The following EHBP1 variants were observed in gnomAD, a reference collection of about 807,000 sequenced individuals.
EHBP1 encodes the protein EH domain-binding protein 1.
Under a neutral mutation model 144.0 loss-of-function variants are expected in EHBP1, and 55 were observed. The observed-to-expected ratio is 0.38, with a 90% CI of 0.31 to 0.48. The LOEUF is 0.48. Among genes scored for constraint, EHBP1 ranks in the 20% least tolerant of loss-of-function variants. The pLI, the probability that EHBP1 is intolerant of heterozygous loss-of-function variation, is 0.98. For synonymous variants in EHBP1, 469 were observed against 472.7 expected, an observed-to-expected ratio of 0.99 and a Z score of 0.10; for missense variants, 1,200 against 1,364.2, an observed-to-expected ratio of 0.88 and a Z score of 1.90.
At chr2:62,848,181 C>T (rs535212714) in intron 7 of EHBP1, among the ~76,000 whole-genome samples, 15 of 151,346 alleles carry the variant, frequency 9.9e-5, no homozygotes, top group East Asian at 5.9e-4. Flanking sequence ...CAGGTTCAAG[C>T]GGTTCTTCTG....
At chr2:62,989,632 C>T (rs759419390) in intron 15 of EHBP1, among the ~76,000 whole-genome samples, 2 of 152,134 alleles carry the variant, frequency 1.3e-5, no homozygotes, top group African/African-American at 2.4e-5. Context: ...TTGTTTACGG[C>T]TCTCAAGCAT....
intron 3 of EHBP1, among the ~76,000 whole-genome samples, chr2:62,747,929 A>G (rs1484752246): frequency 1.3e-5 from 2 of 152,022 alleles, no homozygotes; most frequent in African/African-American, 2.4e-5. Flanking sequence ...ATGAGGATGC[A>G]CTAAGAAGGC....
chr2:62,881,874 A>G (rs933849395), intron 10 of EHBP1: 1 of 152,140 alleles, frequency 6.6e-6, no homozygotes, highest in Non-Finnish European at 1.5e-5. Context: ...ATATTAGGTT[A>G]TTTAATTCTC....
In EHBP1 at chr2:63,045,390, C is replaced by G. The variant is rs757035883; in HGVS notation, c.3393-20C>G. ...AAAAATAATTTTGTTTCCTGTTTGTCCTGTTTGTCTGACATCCAGGGCCGA... is the reference window on the plus strand; with the variant it reads ...AAAAATAATTTTGTTTCCTGTTTGTGCTGTTTGTCTGACATCCAGGGCCGA... On this transcript the variant is annotated intron_variant, in intron 22 of 22. Transcript: ENST00000431489. The surrounding 1 kb of genome is among the most constrained non-coding windows in gnomAD (Gnocchi z 5.7). 1 of 1,611,076 alleles carries G rather than the reference C, an allele frequency of 6.2e-7. No homozygotes were observed. The highest frequency in any genetic ancestry group is 1.7e-4 in the Middle Eastern group (1 of 6,058).
chr2:62,783,185 A>C (rs2042563140), intron 5 of EHBP1, among the ~76,000 whole-genome samples: 1 of 152,228 alleles, frequency 6.6e-6, no homozygotes, highest in Non-Finnish European at 1.5e-5. Context: ...GGTGGCACTC[A>C]CAGACTTGGG....
intron 5 of EHBP1, among the ~76,000 whole-genome samples, chr2:62,812,636 A>C (rs2045108259): frequency 6.6e-6 from 1 of 152,174 alleles, no homozygotes; most frequent in Non-Finnish European, 1.5e-5. Flanking sequence ...GACCATCCTT[A>C]TTATGAAGTT....
chr2:62,695,954 C>T (rs1453028250), intron 1 of EHBP1, among the ~76,000 whole-genome samples: 5 of 151,772 alleles, frequency 3.3e-5, no homozygotes, highest in Non-Finnish European at 7.4e-5. Context: ...CTTAAGTGAT[C>T]CTCCTGCCTC....
chr2:62,739,287 C>G (rs2038456298), intron 2 of EHBP1, among the ~76,000 whole-genome samples: 2 of 152,060 alleles, frequency 1.3e-5, no homozygotes, highest in South Asian at 4.1e-4. Flanking sequence ...ACAGACAAAT[C>G]TAGTCATCCA....
intron 2 of EHBP1, among the ~76,000 whole-genome samples, chr2:62,722,964 G>A (rs541506811): frequency 6.6e-6 from 1 of 152,312 alleles, no homozygotes; most frequent in Non-Finnish European, 1.5e-5. Flanking sequence ...AAGTGGAGAT[G>A]AGAAGAATGT....
intron 2 of EHBP1, among the ~76,000 whole-genome samples, chr2:62,724,239 T>G (rs1409750308): frequency 6.6e-6 from 1 of 152,238 alleles, no homozygotes; most frequent in African/African-American, 2.4e-5. Context: ...AGCTCTGAAA[T>G]TCTTTCCTCC....
chr2:62,805,216 A>G (rs2044347415), intron 5 of EHBP1, among the ~76,000 whole-genome samples: 1 of 152,212 alleles, frequency 6.6e-6, no homozygotes, highest in South Asian at 2.1e-4. Flanking sequence ...ATGTCCAAAA[A>G]TATGGGATTA....
At chr2:62,991,830 A>T (rs1445849342) in intron 16 of EHBP1, among the ~76,000 whole-genome samples, 2 of 152,166 alleles carry the variant, frequency 1.3e-5, no homozygotes, top group Non-Finnish European at 2.9e-5. Context: ...GATGCTTTGA[A>T]GTCCCAAAAC....
intron 5 of EHBP1, among the ~76,000 whole-genome samples, chr2:62,805,551 G>A (rs2044379898): frequency 6.8e-6 from 1 of 147,412 alleles, no homozygotes. Flanking sequence ...GTCTTACTCT[G>A]TCACCTAGGA....
chr2:62,803,798 T>A (rs754682851), intron 5 of EHBP1, among the ~76,000 whole-genome samples: 24 of 152,230 alleles, frequency 1.6e-4, no homozygotes, highest in Admixed American at 5.2e-4. Context: ...CGTTCAAATT[T>A]GTGTCTTTTA....
At chr2:62,897,130 C>T (rs991659659) in intron 10 of EHBP1, among the ~76,000 whole-genome samples, 2 of 152,132 alleles carry the variant, frequency 1.3e-5, no homozygotes, top group Admixed American at 6.5e-5. Context: ...GTATTCTCCT[C>T]GTAGTTTTTA....
intron 3 of EHBP1, among the ~76,000 whole-genome samples, chr2:62,758,032 T>A (rs62179280): frequency 6.6e-6 from 1 of 152,092 alleles, no homozygotes; most frequent in East Asian, 1.9e-4. Context: ...AAAAAAAATT[T>A]ACTTCTCAGT....
chr2:62,732,252 G>C (rs917213833), intron 2 of EHBP1, among the ~76,000 whole-genome samples: 2 of 152,078 alleles, frequency 1.3e-5, no homozygotes, highest in Admixed American at 1.3e-4. Flanking sequence ...GAGTTTCCTA[G>C]ATCTGTGGTT....
chr2:62,988,108 C>T, intron 15 of EHBP1: 1 of 833,590 alleles, frequency 1.2e-6, no homozygotes, highest in Non-Finnish European at 2.0e-6. Context: ...TTTATTATCT[C>T]ATCAATAATA....
intron 2 of EHBP1, among the ~76,000 whole-genome samples, chr2:62,712,784 G>A (rs2035277306): frequency 6.6e-6 from 1 of 152,164 alleles, no homozygotes; most frequent in Non-Finnish European, 1.5e-5. Flanking sequence ...GGAAAGATGG[G>A]AGGTGGAAGA....
Sources: allele counts gnomAD v4.1 joint callset (sites outside exome capture counted in the v4.1 genomes callset), GRCh38; gene constraint gnomAD v4.1.1; non-coding constraint Gnocchi (gnomAD v3.1); transcripts MANE v1.5; gene names NCBI Gene and HGNC (gene_info 2026-07-23, HGNC 2026-07-21).